FRMD4A: variants seen among roughly 807,000 people sequenced by gnomAD.
FRMD4A encodes FERM domain containing 4A, also known as FERM domain-containing protein 4A.
A neutral mutation model predicts 129.1 loss-of-function variants in FRMD4A; 29 were observed. That is an observed-to-expected ratio of 0.22 (90% CI 0.17 to 0.31). FRMD4A has a LOEUF of 0.31. Among genes scored for constraint, FRMD4A ranks in the 10% least tolerant of loss-of-function variants. FRMD4A has a pLI of 1.00. For missense variants in FRMD4A, 1,272 were observed against 1,375.8 expected (o/e 0.92, Z 1.19); for synonymous variants, 634 against 571.6 (o/e 1.11, Z -1.56).
intron 2 of FRMD4A, among the ~76,000 whole-genome samples, chr10:14,273,514 A>AT (rs998112284): frequency 9.9e-5 from 15 of 151,780 alleles, no homozygotes; most frequent in Admixed American, 3.9e-4. Flanking sequence ...TAAGCTGATG[A>AT]TTTTTTTTTA....
intron 6 of FRMD4A, among the ~76,000 whole-genome samples, chr10:13,766,715 T>C (rs917690821): frequency 1.3e-5 from 2 of 152,154 alleles, no homozygotes; most frequent in African/African-American, 4.8e-5. Flanking sequence ...ATCCTTAAGA[T>C]TCTACCACGA....
At chr10:13,926,398 C>A (rs978063193) in intron 2 of FRMD4A, among the ~76,000 whole-genome samples, 7 of 152,146 alleles carry the variant, frequency 4.6e-5, no homozygotes, top group Non-Finnish European at 8.8e-5. Flanking sequence ...ATTGTCTATT[C>A]CCTTTTGTGA....
At chr10:13,990,536 A>G (rs1357773098) in intron 2 of FRMD4A, among the ~76,000 whole-genome samples, 1 of 152,098 alleles carries the variant, frequency 6.6e-6, no homozygotes, top group Admixed American at 6.5e-5. Context: ...CTGCTCCTTG[A>G]CCCTGGCTGA....
At chr10:13,818,797 C>A (rs2093585752) in intron 3 of FRMD4A, among the ~76,000 whole-genome samples, 1 of 152,130 alleles carries the variant, frequency 6.6e-6, no homozygotes, top group South Asian at 2.1e-4. Flanking sequence ...TACTTGTATT[C>A]ATTATTTCAG....
At chr10:14,098,587 T>C (rs1837127999) in intron 2 of FRMD4A, among the ~76,000 whole-genome samples, 1 of 152,030 alleles carries the variant, frequency 6.6e-6, no homozygotes, top group African/African-American at 2.4e-5. Context: ...GTATTTTTGT[T>C]TTAGTAGAGA....
At chr10:13,713,027 C>T (rs1213247245) in intron 12 of FRMD4A, among the ~76,000 whole-genome samples, 8 of 152,166 alleles carry the variant, frequency 5.3e-5, no homozygotes, top group Admixed American at 3.9e-4. Context: ...GCTCCCAGGA[C>T]GATGTGGAAA....
At chr10:14,117,391 C>T (rs994183334) in intron 2 of FRMD4A, among the ~76,000 whole-genome samples, 78 of 152,324 alleles carry the variant, frequency 5.1e-4, no homozygotes, top group African/African-American at 1.9e-3. Context: ...AACCTGTTGG[C>T]CTCCCATCAT....
intron 13 of FRMD4A, among the ~76,000 whole-genome samples, chr10:13,705,859 C>T (rs1449498344): frequency 2.6e-5 from 4 of 152,202 alleles, no homozygotes; most frequent in Non-Finnish European, 5.9e-5. Context: ...CTGTAGTAAC[C>T]GTGGTGCTGA....
chr10:13,683,624 G>C (rs76052523), intron 15 of FRMD4A, among the ~76,000 whole-genome samples: 1,632 of 151,926 alleles, frequency 0.011, 34 homozygotes, highest in African/African-American at 0.038. Flanking sequence ...GAATGAGACA[G>C]GTAGTAGTTG....
At chr10:13,930,375 G>A (rs1455583549) in intron 2 of FRMD4A, among the ~76,000 whole-genome samples, 2 of 152,198 alleles carry the variant, frequency 1.3e-5, no homozygotes, top group Non-Finnish European at 2.9e-5. Context: ...TGGCTTCTCC[G>A]TTAAGCGTCT....
intron 2 of FRMD4A, among the ~76,000 whole-genome samples, chr10:14,167,620 A>C (rs1841256993): frequency 6.6e-6 from 1 of 151,456 alleles, no homozygotes; most frequent in Non-Finnish European, 1.5e-5. Context: ...CCATTGCAAA[A>C]GGCAATGGAT....
chr10:13,890,364 G>A (rs1436063688), intron 2 of FRMD4A: 1 of 177,270 alleles, frequency 5.6e-6, no homozygotes, highest in African/African-American at 2.4e-5. Flanking sequence ...CAGTTCCTAA[G>A]GTACTTCCCC....
intron 2 of FRMD4A, among the ~76,000 whole-genome samples, chr10:13,941,434 G>A (rs1168551642): frequency 2.0e-5 from 3 of 152,168 alleles, no homozygotes; most frequent in Admixed American, 6.5e-5. Flanking sequence ...TATCAGCAGC[G>A]TGTAAACGGA....
intron 2 of FRMD4A, among the ~76,000 whole-genome samples, chr10:14,277,263 G>A (rs979107673): frequency 9.2e-5 from 14 of 152,208 alleles, no homozygotes; most frequent in African/African-American, 3.4e-4. Flanking sequence ...CAGAAAGGAT[G>A]AAAGAGGCTC....
chr10:14,079,831 G>T (rs1835823668), intron 2 of FRMD4A, among the ~76,000 whole-genome samples: 1 of 152,178 alleles, frequency 6.6e-6, no homozygotes, highest in African/African-American at 2.4e-5. Context: ...GGCCAGGGAT[G>T]GGGCAGATAG....
At chr10:13,946,275 G>A (rs562880696) in intron 2 of FRMD4A, among the ~76,000 whole-genome samples, 4 of 152,172 alleles carry the variant, frequency 2.6e-5, no homozygotes, top group Non-Finnish European at 5.9e-5. Context: ...TCTTTCTGAT[G>A]CCCTGAGGGC....
intron 2 of FRMD4A, among the ~76,000 whole-genome samples, chr10:13,977,253 C>T (rs2095545182): frequency 6.6e-6 from 1 of 152,222 alleles, no homozygotes; most frequent in Admixed American, 6.5e-5. Context: ...CACGTAAGGA[C>T]TTTTCCAGGT....
chr10:13,752,210 G>T (rs932559164), intron 8 of FRMD4A, among the ~76,000 whole-genome samples: 4 of 152,130 alleles, frequency 2.6e-5, no homozygotes, highest in Admixed American at 6.6e-5. Flanking sequence ...ATTTAGTGGT[G>T]TTTTTTTCTT....
At chr10:14,220,003 C>T (rs934745743) in intron 2 of FRMD4A, among the ~76,000 whole-genome samples, 11 of 152,136 alleles carry the variant, frequency 7.2e-5, no homozygotes, top group African/African-American at 2.7e-4. Context: ...GTGTCTAGAG[C>T]CTATCTGTGA....
Sources: allele counts gnomAD v4.1 joint callset (sites outside exome capture counted in the v4.1 genomes callset), GRCh38; gene constraint gnomAD v4.1.1; transcripts MANE v1.5; gene names NCBI Gene and HGNC (gene_info 2026-07-23, HGNC 2026-07-21).